ARHGEF40: variants seen among roughly 807,000 people sequenced by gnomAD.
ARHGEF40 encodes the protein Rho guanine nucleotide exchange factor 40.
ARHGEF40 carries 98 observed loss-of-function variants against 165.9 expected under a neutral mutation model. The ratio of observed to expected loss-of-function variants is 0.59; its 90% CI spans 0.50 to 0.70. ARHGEF40 has a LOEUF of 0.70. Among genes scored for constraint, ARHGEF40 ranks in the 30% least tolerant of loss-of-function variants. The probability of loss-of-function intolerance (pLI) is 0.00; values close to 1 mark genes in which losing one functional copy is unlikely to be tolerated. For synonymous variants in ARHGEF40, 792 were observed against 814.3 expected, an observed-to-expected ratio of 0.97 and a Z score of 0.47; for missense variants, 1,815 against 1,968.0, an observed-to-expected ratio of 0.92 and a Z score of 1.47.
At chr14:21,069,498 A>G (rs1249810735), upstream of ARHGEF40, among the ~76,000 whole-genome samples, 1 of 152,182 alleles carries the variant, frequency 6.6e-6, no homozygotes, top group Non-Finnish European at 1.5e-5. Flanking sequence ...AGGGCCACGG[A>G]GGAGAGAACT....
At chr14:21,064,295 A>G in the ARHGEF40 span, among the ~76,000 whole-genome samples, 3 of 151,186 alleles carry the variant, frequency 2.0e-5, no homozygotes, top group Admixed American at 1.3e-4. Context: ...CAACCACTTG[A>G]TGCCTTTTTT....
In ARHGEF40 at chr14:21,073,237, GC is replaced by G; in HGVS notation, c.198del (p.Cys67ValfsTer26). Reference protein sequence around the residue: ...KHLLAKVQQEACAQYSGFLFF... With the variant: ...KHLLAKVQQEXCAQYSGFLFF... ...CCTGCTTGCCAAGGTCCAGCAGGAA[GC>G]CTGTGTGAGTGGCCGTGCATCACTA... On this transcript the variant is annotated frameshift_variant, in exon 2 of 24. Transcript: ENST00000298694. LOFTEE classifies it high-confidence loss of function. The surrounding 1 kb of genome is among the most constrained non-coding windows in gnomAD (Gnocchi z 4.6). 1 of 1,607,328 alleles carries G rather than the reference GC, an allele frequency of 6.2e-7. No homozygotes were observed. The highest frequency in any genetic ancestry group is 8.5e-7 in the Non-Finnish European group (1 of 1,177,156).
rs1328039389 is a variant in ARHGEF40 at position 21,081,800 on chromosome 14, G to A, written c.2932G>A (p.Ala978Thr). The change falls in exon 14 of 24, where the codon GCC (alanine) becomes ACC (threonine). Residue 978 changes from alanine to threonine, a missense_variant. Transcript: ENST00000298694. The stretch of plus-strand genomic sequence containing the variant: ...GGCAGACGGTGCCAGCAGTGGAGGG[G>A]CCCAGTGGGGGCCCCGCAGCCCCTC... ...RRADGASSGG[A>T]QWGPRSPSPS... 1 of 1,601,032 alleles carries A rather than the reference G, an allele frequency of 6.2e-7. No homozygotes were observed. Among genetic ancestry groups the A allele is most frequent in the Non-Finnish European group, 8.5e-7 (1 of 1,175,036 alleles).
intron 18 of ARHGEF40, among the ~76,000 whole-genome samples, chr14:21,085,386 T>A (rs12885295): frequency 0.22 from 34,163 of 152,188 alleles, 4,313 homozygotes; most frequent in Admixed American, 0.37. Context: ...CTAGACTTTG[T>A]ACCCCCTGCA....
In ARHGEF40 at chr14:21,084,804, A is replaced by G. The variant is rs778372796; in HGVS notation, c.3841A>G (p.Ile1281Val). Residue 1281 changes from isoleucine (I) to valine (V), a missense_variant, in exon 18 of 24, where the codon ATC (isoleucine) becomes GTC (valine). By Grantham distance (29) the Ile-to-Val change is conservative. Transcript: ENST00000298694. ...QLLHRDPFTVICGRKKCLRHV... is the reference protein window; with the variant it reads ...QLLHRDPFTVVCGRKKCLRHV... ...CTTGCATCGAGACCCCTTCACTGTC[A>G]TCTGTGGCCGAAAGAAGTGCCTTCG... 3.1e-6 allele frequency: 5 copies of G among 1,614,062 alleles called. No individual in the cohort carries two copies. In the East Asian group the frequency reaches 1.1e-4, roughly 36 times the overall value.
rs780384623 is a variant in ARHGEF40 at position 21,081,545 on chromosome 14, G to C, written c.2677G>C (p.Ala893Pro). 5.6e-6 allele frequency: 9 copies of C among 1,612,984 alleles called. No homozygotes were observed. Among genetic ancestry groups the C allele is most frequent in the Non-Finnish European group, 7.6e-6 (9 of 1,179,904 alleles). ...GGTGGATGAGGGCTTTGCTCGGCTG[G>C]CAGGAGCTGGGCCGGGTCGGGAGGC... is the stretch of plus-strand genomic sequence containing the variant. The part of the protein sequence containing the change: ...EWVDEGFARL[A>P]GAGPGREAVL... The change falls in exon 14 of 24, where the codon GCA becomes CCA. Residue 893 changes from alanine (A) to proline (P), a missense_variant. Ala to Pro is a conservative substitution (Grantham distance 27). Coordinates refer to ENST00000298694, the MANE Select transcript of ARHGEF40 (RefSeq NM_018071.5).
chr14:21,074,617 G>A lies in ARHGEF40; in HGVS notation c.887G>A (p.Gly296Glu), dbSNP rs748042850. ...GCGTGGATGCACCAGAAGGGCCTGG[G>A]GCCTCGGGGCCAGGATGGAGCACGC... The part of the protein sequence containing the change: ...HRAWMHQKGL[G>E]PRGQDGARPP... The change falls in exon 3 of 24, where the codon GGG becomes GAG. Residue 296 changes from glycine to glutamate, a missense_variant. Coordinates refer to ENST00000298694, the MANE Select transcript of ARHGEF40 (RefSeq NM_018071.5). This position sits in a 1 kb window ranked among gnomAD's most constrained non-coding sequence, Gnocchi z 4.8. 3.2e-6 allele frequency: 5 copies of A among 1,566,852 alleles called. No individual in the cohort carries two copies. Among genetic ancestry groups the A allele is most frequent in the Non-Finnish European group, 4.3e-6 (5 of 1,157,134 alleles).
At chr14:21,066,101 C>T (rs1886248157), upstream of ARHGEF40, among the ~76,000 whole-genome samples, 1 of 151,928 alleles carries the variant, frequency 6.6e-6, no homozygotes, top group Non-Finnish European at 1.5e-5. Context: ...TTTTTTTCAA[C>T]AATAACAACA....
In ARHGEF40 at chr14:21,076,457, G is replaced by A. The variant is rs1318794881; in HGVS notation, c.1836+1G>A. On this transcript the variant is annotated splice_donor_variant, in intron 6 of 23. Coordinates refer to ENST00000298694, the MANE Select transcript of ARHGEF40 (RefSeq NM_018071.5). LOFTEE classifies it high-confidence loss of function. The stretch of plus-strand genomic sequence containing the variant: ...CATTCCTGCCTTGAGCCAACTTCAG[G>A]TAACCACCCCTCAAACAGGCAGTTC... The A allele has an allele frequency of 6.2e-7, 1 of 1,613,914 alleles. No homozygotes were observed. The highest frequency in any genetic ancestry group is 1.3e-5 in the African/African-American group (1 of 74,914).
rs1375251672 is a variant in ARHGEF40 at position 21,076,888 on chromosome 14, C to G, written c.2032C>G (p.Gln678Glu). Residue 678 changes from glutamine (Q) to glutamate (E), a missense_variant and splice_region_variant, in exon 8 of 24, where the codon CAG becomes GAG. Physicochemically the swap from Gln to Glu is conservative, Grantham distance 29. Coordinates refer to ENST00000298694, the MANE Select transcript of ARHGEF40 (RefSeq NM_018071.5). ...PSPSHWVEIH[Q>E]EVVRLCRLCQ... The stretch of plus-strand genomic sequence containing the variant: ...TCCCAGTCACTGGGTAGAGATACAC[C>G]AGGTAAGCTTCCCCTCTACCACCTA... 2.5e-6 allele frequency: 4 copies of G among 1,611,180 alleles called. No homozygotes were observed. The highest frequency in any genetic ancestry group is 1.3e-5 in the African/African-American group (1 of 74,812).
chr14:21,082,957 C>A, intron 16 of ARHGEF40, 40 bp downstream of exon 16: 2 of 1,586,108 alleles, frequency 1.3e-6, no homozygotes, highest in South Asian at 1.1e-5. Context: ...AGTAGAGAGG[C>A]CAGAAAGACC....
intron 19 of ARHGEF40, chr14:21,086,772 A>C: frequency 2.0e-6 from 1 of 499,528 alleles, no homozygotes; most frequent in South Asian, 2.6e-5. Context: ...CCAGGATGCA[A>C]CATATTGGAG....
chr14:21,061,623 GCTC>G, the ARHGEF40 span, among the ~76,000 whole-genome samples: 10 of 152,310 alleles, frequency 6.6e-5, no homozygotes, highest in South Asian at 1.2e-3. Context: ...TTGAGAAGGG[GCTC>G]CTCAGCCATT....
chr14:21,087,383 G>T lies in ARHGEF40; in HGVS notation c.4307G>T (p.Gly1436Val). The change falls in exon 21 of 24, where the codon GGC becomes GTC. Residue 1436 changes from glycine (G) to valine (V), a missense_variant. By Grantham distance (109) the Gly-to-Val change is moderately radical. Transcript: ENST00000298694. ...SFEHAGPSLP[G>V]LSPGACSLPA... ...GAGCATGCCGGCCCCTCCCTTCCCG[G>T]CCTTTCGCCGGGAGCCTGCTCCCTG... The T allele has an allele frequency of 1.2e-6, 2 of 1,603,834 alleles. No homozygotes were observed. The highest frequency in any genetic ancestry group is 1.7e-6 in the Non-Finnish European group (2 of 1,179,860).
chr14:21,075,241 G>C lies in ARHGEF40; in HGVS notation c.1450+61G>C. On this transcript the variant is annotated intron_variant, in intron 3 of 23. Coordinates refer to ENST00000298694, the MANE Select transcript of ARHGEF40 (RefSeq NM_018071.5). The surrounding 1 kb of genome is among the most constrained non-coding windows in gnomAD (Gnocchi z 4.5). ...GCCAAAGCAGGTCGGGCCTATGGGAGGGGGCAGGAGGAGGAGCAGGGTTAG... is the reference window on the plus strand; with the variant it reads ...GCCAAAGCAGGTCGGGCCTATGGGACGGGGCAGGAGGAGGAGCAGGGTTAG... The C allele has an allele frequency of 6.3e-7, 1 of 1,586,214 alleles. No individual in the cohort carries two copies. Among genetic ancestry groups the C allele is most frequent in the South Asian group, 1.2e-5 (1 of 85,700 alleles).
Position 21,074,616 on chromosome 14 carries a change from G to C in ARHGEF40, c.886G>C (p.Gly296Arg). 3 of 1,566,490 alleles carry C rather than the reference G, an allele frequency of 1.9e-6. No homozygotes were observed. Among genetic ancestry groups the C allele is most frequent in the Non-Finnish European group, 2.6e-6 (3 of 1,156,882 alleles). ...HRAWMHQKGL[G>R]PRGQDGARPP... ...GGCGTGGATGCACCAGAAGGGCCTG[G>C]GGCCTCGGGGCCAGGATGGAGCACG... Residue 296 changes from glycine (G) to arginine (R), a missense_variant, in exon 3 of 24, where the codon GGG (glycine) becomes CGG (arginine). Transcript: ENST00000298694. This position sits in a 1 kb window ranked among gnomAD's most constrained non-coding sequence, Gnocchi z 4.8.
Position 21,081,587 on chromosome 14 carries a change from G to A in ARHGEF40, c.2719G>A (p.Ala907Thr). The change falls in exon 14 of 24, where the codon GCC (alanine) becomes ACC (threonine). Residue 907 changes from alanine (A) to threonine (T), a missense_variant. By Grantham distance (58) the Ala-to-Thr change is moderately conservative. Transcript: ENST00000298694. Reference protein sequence around the residue: ...PGREAVLAALALRRAPEPSAG... With the variant: ...PGREAVLAALTLRRAPEPSAG... ...TCGGGAGGCTGTGCTGGCTGCACTG[G>A]CCCTGCGGCGGGCCCCAGAGCCCAG... 1.2e-6 allele frequency: 2 copies of A among 1,611,878 alleles called. No homozygotes were observed. The highest frequency in any genetic ancestry group is 1.7e-6 in the Non-Finnish European group (2 of 1,179,534).
In ARHGEF40 at chr14:21,085,594, C is replaced by G. The variant is rs193070991; in HGVS notation, c.3961-95C>G. 77 of 1,419,070 alleles carry G rather than the reference C, an allele frequency of 5.4e-5. No individual in the cohort carries two copies. In the East Asian group the frequency reaches 9.6e-4, roughly 18 times the overall value. The allele number at this position is 1,419,070 out of a possible 1,614,324, so 87.9% of individuals were successfully genotyped here. On this transcript the variant is annotated intron_variant, in intron 18 of 23. Coordinates refer to ENST00000298694, the MANE Select transcript of ARHGEF40 (RefSeq NM_018071.5). ...TGTTGAGCAAACGTTTACTGAACAT[C>G]TATCAGATGCCAGGCGAAGCCCAGT...
At chr14:21,085,913 G>A in intron 19 of ARHGEF40, 47 bp downstream of exon 19, 1 of 1,602,812 alleles carries the variant, frequency 6.2e-7, no homozygotes, top group Non-Finnish European at 8.5e-7. Flanking sequence ...CAGGGTTATA[G>A]CAGGAAGTTT....
Sources: allele counts gnomAD v4.1 joint callset (sites outside exome capture counted in the v4.1 genomes callset), GRCh38; gene constraint gnomAD v4.1.1; non-coding constraint Gnocchi (gnomAD v3.1); transcripts MANE v1.5; gene names NCBI Gene and HGNC (gene_info 2026-07-23, HGNC 2026-07-21).